Variants in CLSTN2 observed in about 807,000 individuals in gnomAD.
The protein encoded by CLSTN2 is calsyntenin-2.
In CLSTN2, 48 loss-of-function variants were observed where a neutral mutation model predicts 101.2. That is an observed-to-expected ratio of 0.47 (90% CI 0.38 to 0.60). CLSTN2 has a LOEUF of 0.60. Ranked by LOEUF, CLSTN2 falls within the 20% of genes least tolerant of loss-of-function variation. CLSTN2 has a pLI of 0.00. For synonymous variants in CLSTN2, 481 were observed against 463.6 expected (o/e 1.04, Z -0.48); for missense variants, 1,160 against 1,238.2 (o/e 0.94, Z 0.95).
chr3:140,045,744 C>A (rs558569218), intron 1 of CLSTN2, among the ~76,000 whole-genome samples: 1 of 152,192 alleles, frequency 6.6e-6, no homozygotes, highest in Admixed American at 6.5e-5. Context: ...TTTCAAAGAA[C>A]ATCTTTATTT....
intron 2 of CLSTN2, among the ~76,000 whole-genome samples, chr3:140,360,748 T>G (rs77091138): frequency 0.028 from 4,215 of 152,078 alleles, 169 homozygotes; most frequent in African/African-American, 0.095. Flanking sequence ...ATTAAACAAT[T>G]TTGATGAAAT....
At chr3:140,341,330 G>A (rs1285986274) in intron 2 of CLSTN2, among the ~76,000 whole-genome samples, 1 of 152,126 alleles carries the variant, frequency 6.6e-6, no homozygotes, top group African/African-American at 2.4e-5. Context: ...CTGCGAATTT[G>A]GCCACTGGCC....
At chr3:140,293,333 A>G (rs1485386603) in intron 2 of CLSTN2, among the ~76,000 whole-genome samples, 1 of 151,790 alleles carries the variant, frequency 6.6e-6, no homozygotes, top group African/African-American at 2.4e-5. Flanking sequence ...GCTTGAGCAC[A>G]CTCTGGTCAT....
At chr3:139,956,796 A>T (rs1935409698) in intron 1 of CLSTN2, among the ~76,000 whole-genome samples, 1 of 152,156 alleles carries the variant, frequency 6.6e-6, no homozygotes, top group South Asian at 2.1e-4. Context: ...TATCTTAATT[A>T]AAAAAATACA....
chr3:140,468,427 G>C (rs1407255304), intron 8 of CLSTN2, among the ~76,000 whole-genome samples: 1 of 152,188 alleles, frequency 6.6e-6, no homozygotes, highest in Non-Finnish European at 1.5e-5. Context: ...AGGAATTCTG[G>C]TTCTGAAGAT....
chr3:140,267,962 C>T (rs2086709915), intron 2 of CLSTN2, among the ~76,000 whole-genome samples: 1 of 152,122 alleles, frequency 6.6e-6, no homozygotes, highest in African/African-American at 2.4e-5. Context: ...ACATTGACAT[C>T]CATTAGCTCC....
intron 1 of CLSTN2, among the ~76,000 whole-genome samples, chr3:140,168,245 T>A (rs1165680295): frequency 6.6e-6 from 1 of 152,180 alleles, no homozygotes; most frequent in East Asian, 1.9e-4. Flanking sequence ...GATATCCCAT[T>A]GTGGCTTCAA....
At chr3:140,230,723 A>T (rs777442952) in intron 2 of CLSTN2, among the ~76,000 whole-genome samples, 2 of 152,240 alleles carry the variant, frequency 1.3e-5, no homozygotes, top group African/African-American at 2.4e-5. Context: ...TGCTGTTTAT[A>T]AGCCACCCAG....
intron 8 of CLSTN2, chr3:140,506,899 T>C (rs1293217981): frequency 6.6e-6 from 1 of 152,256 alleles, no homozygotes; most frequent in East Asian, 1.9e-4. Context: ...AATGGCTATA[T>C]TGGACTAAAG....
At chr3:140,459,043 G>T (rs1312941311) in intron 6 of CLSTN2, among the ~76,000 whole-genome samples, 1 of 152,168 alleles carries the variant, frequency 6.6e-6, no homozygotes, top group Non-Finnish European at 1.5e-5. Context: ...ATCACATTTT[G>T]TCAACTTGCT....
intron 2 of CLSTN2, among the ~76,000 whole-genome samples, chr3:140,362,068 G>T (rs2087735805): frequency 6.6e-6 from 1 of 152,178 alleles, no homozygotes; most frequent in Non-Finnish European, 1.5e-5. Context: ...TTCAAAACTT[G>T]CTATAAATCG....
At chr3:140,236,003 G>T (rs2086414027) in intron 2 of CLSTN2, among the ~76,000 whole-genome samples, 1 of 152,120 alleles carries the variant, frequency 6.6e-6, no homozygotes, top group African/African-American at 2.4e-5. Context: ...ATGAGTTCCT[G>T]CCTGCAACTC....
chr3:140,539,073 G>C (rs946580171), intron 9 of CLSTN2, among the ~76,000 whole-genome samples: 1 of 152,204 alleles, frequency 6.6e-6, no homozygotes, highest in African/African-American at 2.4e-5. Flanking sequence ...GGGGGCAAGG[G>C]CTAGCTGCTC....
chr3:140,236,269 A>G (rs771945135), intron 2 of CLSTN2, among the ~76,000 whole-genome samples: 1 of 152,116 alleles, frequency 6.6e-6, no homozygotes, highest in Non-Finnish European at 1.5e-5. Context: ...GTTAATTTCT[A>G]TTTTTTAAAC....
rs553775060 is a variant in CLSTN2 at position 140,058,157 on chromosome 3, G to A, written c.110-117794G>A. Among the ~76,000 whole-genome samples the A allele has an allele frequency of 8.5e-5, 13 of 152,306 alleles. No homozygotes were observed. In the South Asian group the frequency reaches 2.7e-3, roughly 32 times the overall value. ...TACAGAGTTCTATGCTAGGTGAAGT[G>A]AACGGTTGTGAGATGACTAAGCCAG... On this transcript the variant is annotated intron_variant, in intron 1 of 16. Coordinates refer to ENST00000458420, the MANE Select transcript of CLSTN2 (RefSeq NM_022131.3).
chr3:140,173,471 A>T (rs1321549421), intron 1 of CLSTN2, among the ~76,000 whole-genome samples: 3 of 152,146 alleles, frequency 2.0e-5, no homozygotes, highest in Non-Finnish European at 4.4e-5. Flanking sequence ...TGGATCTAGC[A>T]TTCTGGGGTC....
At chr3:140,139,730 G>T (rs1321750682) in intron 1 of CLSTN2, among the ~76,000 whole-genome samples, 2 of 152,206 alleles carry the variant, frequency 1.3e-5, no homozygotes, top group Non-Finnish European at 2.9e-5. Flanking sequence ...TTTAAGATGA[G>T]TTCATTACTC....
At chr3:140,185,535 C>G (rs1708454538) in intron 2 of CLSTN2, among the ~76,000 whole-genome samples, 1 of 152,174 alleles carries the variant, frequency 6.6e-6, no homozygotes, top group Non-Finnish European at 1.5e-5. Flanking sequence ...AGCCCCATGA[C>G]CCAGCCCACC....
At chr3:140,022,096 C>A (rs1334297654) in intron 1 of CLSTN2, among the ~76,000 whole-genome samples, 2 of 152,154 alleles carry the variant, frequency 1.3e-5, no homozygotes, top group African/African-American at 4.8e-5. Context: ...ACTCACTGGG[C>A]AGCAGTGGGA....
Sources: allele counts gnomAD v4.1 joint callset (sites outside exome capture counted in the v4.1 genomes callset), GRCh38; gene constraint gnomAD v4.1.1; transcripts MANE v1.5; gene names NCBI Gene and HGNC (gene_info 2026-07-23, HGNC 2026-07-21).